Variants in MOCS1 observed in about 807,000 individuals in gnomAD.
MOCS1 encodes molybdenum cofactor biosynthesis protein 1.
MOCS1 carries 39 observed loss-of-function variants against 57.6 expected under a neutral mutation model. The observed-to-expected ratio is 0.68, with a 90% CI of 0.52 to 0.88. MOCS1 has a LOEUF of 0.88. Among genes scored for constraint, MOCS1 ranks in the 40% least tolerant of loss-of-function variants. The probability of loss-of-function intolerance (pLI) is 0.00; values close to 1 mark genes in which losing one functional copy is unlikely to be tolerated. For synonymous variants in MOCS1, 334 were observed against 335.7 expected, an observed-to-expected ratio of 1.00 and a Z score of 0.05; for missense variants, 795 against 831.1, an observed-to-expected ratio of 0.96 and a Z score of 0.53.
chr6:39,919,437 G>A (rs778639864), intron 3 of MOCS1, among the ~76,000 whole-genome samples: 13 of 152,062 alleles, frequency 8.5e-5, no homozygotes, highest in South Asian at 2.1e-4. Flanking sequence ...GCAGTGAGCC[G>A]AGATCGTGTC....
rs564029975 is a variant in MOCS1, at chr6:39,932,660, T to G, written c.123+1635A>C. 1.8e-4 allele frequency among the ~76,000 whole-genome samples: 28 copies of G among 152,310 alleles called. No homozygotes were observed. The South Asian group carries it at 5.6e-3, about 30-fold the overall frequency. On this transcript the variant is annotated intron_variant, in intron 1 of 10. Coordinates refer to ENST00000340692, the MANE Select transcript of MOCS1 (RefSeq NM_001358530.2). ...CTAATGAGATGTCCAGGATTCAATGTGAGTTGACAGAATAGCTATCCAACA... is the reference window on the plus strand; with the variant it reads ...CTAATGAGATGTCCAGGATTCAATGGGAGTTGACAGAATAGCTATCCAACA...
chr6:39,932,287 C>G (rs1394197996), intron 1 of MOCS1: 1 of 152,372 alleles, frequency 6.6e-6, no homozygotes, highest in Non-Finnish European at 1.5e-5. Flanking sequence ...CAGAACATAT[C>G]CATTTCCAGA....
chr6:39,927,144 A>G, intron 2 of MOCS1, 185 bp downstream of exon 2: 1 of 624,932 alleles, frequency 1.6e-6, no homozygotes, highest in South Asian at 2.0e-5. Flanking sequence ...CTATAATCAT[A>G]CAACTCAGCC....
intron 3 of MOCS1, among the ~76,000 whole-genome samples, chr6:39,922,447 G>GTGTATT (rs1768024233): frequency 6.6e-6 from 1 of 152,084 alleles, no homozygotes; most frequent in South Asian, 2.1e-4. Context: ...GTTAGTGTTC[G>GTGTATT]TGTATTTTAT....
chr6:39,919,960 G>A (rs1036314402), intron 3 of MOCS1, among the ~76,000 whole-genome samples: 2 of 152,110 alleles, frequency 1.3e-5, no homozygotes, highest in African/African-American at 4.8e-5. Flanking sequence ...AAAAAACGCT[G>A]ATAAATTCAA....
intron 3 of MOCS1, among the ~76,000 whole-genome samples, chr6:39,922,136 A>T (rs902547656): frequency 6.6e-6 from 1 of 152,210 alleles, no homozygotes. Flanking sequence ...TCACTGTCCA[A>T]CACAGCAGCT....
intron 3 of MOCS1, among the ~76,000 whole-genome samples, chr6:39,924,761 A>AT (rs533460317): frequency 6.6e-6 from 1 of 152,116 alleles, no homozygotes. Flanking sequence ...TTATTATTTT[A>AT]TTTTTTTCCC....
rs377587436 is a variant in MOCS1 at position 39,916,271 on chromosome 6, G to C, written c.419-39C>G. On this transcript the variant is annotated intron_variant, in intron 3 of 10. Coordinates refer to ENST00000340692, the MANE Select transcript of MOCS1 (RefSeq NM_001358530.2). ...AGAAAGGGGGTCAGACTGCTTGCTT[G>C]TTCTTGGTGAGGCCGGGAAAAGGGC... 74 of 1,610,868 alleles carry C rather than the reference G, an allele frequency of 4.6e-5. No homozygotes were observed. The African/African-American group carries it at 9.1e-4, about 20-fold the overall frequency.
Position 39,904,253 on chromosome 6 carries a change from C to T in MOCS1, c.*2104G>A, listed in dbSNP as rs1385697787. 2.2e-6 allele frequency: 1 copy of T among 456,756 alleles called. No homozygotes were observed. Among genetic ancestry groups the T allele is most frequent in the Non-Finnish European group, 4.4e-6 (1 of 226,984 alleles). The allele number at this position is 456,756 out of a possible 1,614,324, so 28.3% of individuals were successfully genotyped here. On this transcript the variant is annotated 3_prime_UTR_variant, in exon 11 of 11. Coordinates refer to ENST00000340692, the MANE Select transcript of MOCS1 (RefSeq NM_001358530.2). ...ACAAATACGTTGTTCCAGAGCTCAG[C>T]CTTCTCACTCTAAAAGAAAGATATT...
chr6:39,920,252 A>G (rs947964567), intron 3 of MOCS1, among the ~76,000 whole-genome samples: 2 of 152,228 alleles, frequency 1.3e-5, no homozygotes, highest in Admixed American at 1.3e-4. Context: ...CACTTGTTCA[A>G]CTGGCAAATA....
intron 3 of MOCS1, among the ~76,000 whole-genome samples, chr6:39,925,416 G>A (rs144859297): frequency 1.5e-3 from 222 of 152,290 alleles, no homozygotes; most frequent in South Asian, 6.2e-3. Context: ...GGGCCTCCTG[G>A]AGGACCTTGG....
intron 1 of MOCS1, chr6:39,932,298 C>T (rs1322980293): frequency 6.6e-6 from 1 of 152,248 alleles, no homozygotes; most frequent in Non-Finnish European, 1.5e-5. Flanking sequence ...CATTTCCAGA[C>T]TCACCTCCCC....
intron 3 of MOCS1, among the ~76,000 whole-genome samples, chr6:39,920,448 A>G (rs943587271): frequency 1.3e-5 from 2 of 152,232 alleles, no homozygotes; most frequent in Non-Finnish European, 2.9e-5. Context: ...TATGTTAATG[A>G]AAACAGTGTT....
rs369792221 is a variant in MOCS1 at position 39,913,788 on chromosome 6, A to G, written c.631T>C (p.Tyr211His). 2.5e-6 allele frequency: 4 copies of G among 1,614,106 alleles called. No homozygotes were observed. Among genetic ancestry groups the G allele is most frequent in the African/African-American group, 2.7e-5 (2 of 74,944 alleles). ...EGIHKAIELG[Y>H]NPVKVNCVVM... ...CACGGCCTCACCTTCACAGGGTTGT[A>G]GCCCAGCTCGATGGCCTTGTGGATG... Residue 211 changes from tyrosine to histidine, a missense_variant, in exon 5 of 11, where the codon TAC (tyrosine) becomes CAC (histidine). Around this residue, in one of 3 missense-constraint regions of MOCS1, gnomAD observed 416 missense variants for 392.4 expected, o/e 1.06. Transcript: ENST00000340692.
In MOCS1 at chr6:39,906,854, G is replaced by C; in HGVS notation, c.1414C>G (p.Pro472Ala). 1 of 1,614,194 alleles carries C rather than the reference G, an allele frequency of 6.2e-7. No homozygotes were observed. Among genetic ancestry groups the C allele is most frequent in the South Asian group, 1.1e-5 (1 of 91,074 alleles). The part of the protein sequence containing the change: ...LSPGSWASAA[P>A]SGPQLTSEQL... Reference sequence around the variant, plus strand: ...TCTGAGGTTAGCTGGGGTCCTGAGGGGGCAGCAGAAGCCCAGGAACCTGGG... The same window carrying C: ...TCTGAGGTTAGCTGGGGTCCTGAGGCGGCAGCAGAAGCCCAGGAACCTGGG... Residue 472 changes from proline (P) to alanine (A), a missense_variant, in exon 11 of 11, where the codon CCC becomes GCC. Physicochemically the swap from Pro to Ala is conservative, Grantham distance 27 (BLOSUM62 -1). Coordinates refer to ENST00000340692, the MANE Select transcript of MOCS1 (RefSeq NM_001358530.2).
At chr6:39,911,444 G>A (rs1767321558) in intron 8 of MOCS1, among the ~76,000 whole-genome samples, 1 of 152,174 alleles carries the variant, frequency 6.6e-6, no homozygotes, top group Admixed American at 6.5e-5. Context: ...CATATTTGGA[G>A]AACCACTGAA....
In MOCS1 at chr6:39,916,056, A is replaced by G. The variant is rs199797027; in HGVS notation, c.583+12T>C. The G allele has an allele frequency of 1.1e-4, 178 of 1,596,400 alleles. No individual in the cohort carries two copies. The highest frequency in any genetic ancestry group is 7.7e-6 in the Non-Finnish European group (9 of 1,172,068). On this transcript the variant is annotated intron_variant, in intron 4 of 10. Transcript: ENST00000340692. The stretch of plus-strand genomic sequence containing the variant: ...CCTGGGAGGGACACCCACCCCATCC[A>G]CATCCGCTCACCTTTCCTGCGGACA...
In MOCS1 at chr6:39,916,127, A is replaced by G. The variant is rs1383420237; in HGVS notation, c.524T>C (p.Ile175Thr). 2 of 1,613,820 alleles carry G rather than the reference A, an allele frequency of 1.2e-6. No homozygotes were observed. Among genetic ancestry groups the G allele is most frequent in the Non-Finnish European group, 1.7e-6 (2 of 1,179,984 alleles). ...CACCAGGGTGTCCAGGCTGATGTTG[A>G]TGGCACTGAGACCAGCCTTCTGAAG... is the stretch of plus-strand genomic sequence containing the variant. ...PQLQKAGLSAINISLDTLVPA... is the reference protein window; with the variant it reads ...PQLQKAGLSATNISLDTLVPA... The change falls in exon 4 of 11, where the codon ATC becomes ACC. Residue 175 changes from isoleucine (I) to threonine (T), a missense_variant. This residue lies in a region of MOCS1 where 416 missense variants were observed against 392.4 expected (regional missense o/e 1.06). Coordinates refer to ENST00000340692, the MANE Select transcript of MOCS1 (RefSeq NM_001358530.2).
intron 1 of MOCS1, among the ~76,000 whole-genome samples, chr6:39,930,256 G>A (rs1443347039): frequency 6.6e-6 from 1 of 152,130 alleles, no homozygotes; most frequent in Non-Finnish European, 1.5e-5. Context: ...AGTCAAAGGA[G>A]CCCAAGATTC....
Sources: allele counts gnomAD v4.1 joint callset (sites outside exome capture counted in the v4.1 genomes callset), GRCh38; gene constraint gnomAD v4.1.1; regional missense constraint gnomAD v4.1.1; transcripts MANE v1.5; gene names NCBI Gene and HGNC (gene_info 2026-07-23, HGNC 2026-07-21).